The following LRFN2 variants were observed in gnomAD, a reference collection of about 807,000 sequenced individuals.
LRFN2 encodes leucine rich repeat and fibronectin type III domain containing 2.
In LRFN2, 18 loss-of-function variants were observed where a neutral mutation model predicts 37.3. The ratio of observed to expected loss-of-function variants is 0.48; its 90% CI spans 0.33 to 0.72. The LOEUF (loss-of-function observed/expected upper bound fraction) is 0.72. LRFN2 is among the 30% of genes least tolerant of loss of function. The probability of loss-of-function intolerance (pLI) is 0.02; values close to 1 mark genes in which losing one functional copy is unlikely to be tolerated. For missense variants in LRFN2, 1,006 were observed against 1,060.7 expected (o/e 0.95, Z 0.72); for synonymous variants, 556 against 466.6 (o/e 1.19, Z -2.47).
intron 1 of LRFN2, among the ~76,000 whole-genome samples, chr6:40,434,697 C>T (rs969063924): frequency 7.2e-5 from 11 of 151,730 alleles, no homozygotes; most frequent in Non-Finnish European, 1.5e-4. Flanking sequence ...GGGCTGTTCT[C>T]AAACTCCTGA....
At position 40,519,931 on chromosome 6, in the gene LRFN2, G is replaced by T. The variant is rs140789553; in HGVS notation, c.-19+67010C>A. 1.9e-3 allele frequency among the ~76,000 whole-genome samples: 287 copies of T among 152,314 alleles called. 2 individuals are homozygous for T. Among genetic ancestry groups the T allele is most frequent in the African/African-American group, 6.8e-3 (281 of 41,576 alleles). On this transcript the variant is annotated intron_variant, in intron 1 of 2. Coordinates refer to ENST00000338305, the MANE Select transcript of LRFN2 (RefSeq NM_020737.3). ...AAGCACTATCCTAGGCATTAGAATT[G>T]CTCAGAGGAGAAGGGGCATGGAAGG...
intron 1 of LRFN2, among the ~76,000 whole-genome samples, chr6:40,462,229 G>A (rs1764363180): frequency 6.6e-6 from 1 of 152,184 alleles, no homozygotes; most frequent in Non-Finnish European, 1.5e-5. Context: ...CTTAACCCTG[G>A]CTTGGTCCAA....
intron 1 of LRFN2, among the ~76,000 whole-genome samples, chr6:40,435,030 TA>T (rs1763611950): frequency 2.3e-5 from 2 of 87,602 alleles, no homozygotes; most frequent in Admixed American, 2.4e-4. Context: ...TATATATATA[TA>T]TATATATATA....
chr6:40,513,198 T>C (rs1765764766), intron 1 of LRFN2, among the ~76,000 whole-genome samples: 1 of 152,096 alleles, frequency 6.6e-6, no homozygotes, highest in African/African-American at 2.4e-5. Flanking sequence ...AGCAGAACAA[T>C]TGAAGGAGCA....
intron 1 of LRFN2, among the ~76,000 whole-genome samples, chr6:40,531,932 G>A (rs1766351584): frequency 2.0e-5 from 3 of 152,192 alleles, no homozygotes; most frequent in Non-Finnish European, 4.4e-5. Flanking sequence ...AGCAGTCTCC[G>A]TGCTGGGATC....
At chr6:40,584,427 C>T (rs576592277) in intron 1 of LRFN2, among the ~76,000 whole-genome samples, 7 of 152,288 alleles carry the variant, frequency 4.6e-5, no homozygotes, top group Admixed American at 3.9e-4. Flanking sequence ...TATATGACAA[C>T]TCTATCCCTT....
chr6:40,422,858 GA>G (rs1262363411), intron 2 of LRFN2, among the ~76,000 whole-genome samples: 5 of 152,164 alleles, frequency 3.3e-5, no homozygotes, highest in Non-Finnish European at 7.4e-5. Flanking sequence ...ACTGGAGGGG[GA>G]AAAAGCTTCA....
rs551507281 is a variant in LRFN2 at position 40,505,531 on chromosome 6, T to C, written c.-18-72400A>G. Among the ~76,000 whole-genome samples the C allele has an allele frequency of 1.1e-4, 17 of 152,316 alleles. No homozygotes were observed. The South Asian group carries it at 1.5e-3, about 13-fold the overall frequency. ...ACAGCTGGAGAGAATTTATTTCCTT[T>C]TTGAAAATTAAAACATGAAATTGGG... On this transcript the variant is annotated intron_variant, in intron 1 of 2. Transcript: ENST00000338305.
intron 1 of LRFN2, among the ~76,000 whole-genome samples, chr6:40,547,433 G>A (rs1766687226): frequency 6.6e-6 from 1 of 152,008 alleles, no homozygotes; most frequent in Non-Finnish European, 1.5e-5. Flanking sequence ...TCAGTTAGTG[G>A]CCCAAAACCA....
chr6:40,528,411 G>A (rs1027609633), intron 1 of LRFN2, among the ~76,000 whole-genome samples: 1 of 152,180 alleles, frequency 6.6e-6, no homozygotes, highest in Non-Finnish European at 1.5e-5. Context: ...TGAGGAGGAG[G>A]CTGAACCAGC....
At chr6:40,408,905 C>G (rs1762903797) in intron 2 of LRFN2, among the ~76,000 whole-genome samples, 1 of 152,200 alleles carries the variant, frequency 6.6e-6, no homozygotes, top group Non-Finnish European at 1.5e-5. Flanking sequence ...TCTCACAGAA[C>G]TGGAGGCTGG....
intron 1 of LRFN2, among the ~76,000 whole-genome samples, chr6:40,504,434 T>C (rs1765473676): frequency 6.6e-6 from 1 of 152,098 alleles, no homozygotes; most frequent in African/African-American, 2.4e-5. Flanking sequence ...TTCTAACCAA[T>C]CCTCCGGTCA....
In LRFN2 at chr6:40,464,372, T is replaced by C. The variant is rs116682888; in HGVS notation, c.-18-31241A>G. 8.3e-3 allele frequency among the ~76,000 whole-genome samples: 1,265 copies of C among 152,304 alleles called. 18 individuals are homozygous for C. Among genetic ancestry groups the C allele is most frequent in the African/African-American group, 0.028 (1,184 of 41,552 alleles). Reference sequence around the variant, plus strand: ...TGCAACAATGTTGAGAGTTGGGACCTTTAAGGTGATTAGGTTATGATGAAT... The same window carrying C: ...TGCAACAATGTTGAGAGTTGGGACCCTTAAGGTGATTAGGTTATGATGAAT... On this transcript the variant is annotated intron_variant, in intron 1 of 2. Coordinates refer to ENST00000338305, the MANE Select transcript of LRFN2 (RefSeq NM_020737.3).
chr6:40,536,048 A>G (rs1041482663), intron 1 of LRFN2, among the ~76,000 whole-genome samples: 3 of 152,074 alleles, frequency 2.0e-5, no homozygotes, highest in African/African-American at 7.2e-5. Flanking sequence ...AAAGAAGTTC[A>G]TGGTCAATGG....
At chr6:40,436,549 C>T (rs981609917) in intron 1 of LRFN2, among the ~76,000 whole-genome samples, 1 of 151,940 alleles carries the variant, frequency 6.6e-6, no homozygotes, top group Admixed American at 6.6e-5. Flanking sequence ...GGCCAAAGTG[C>T]CGAGTTCCAC....
At position 40,392,437 on chromosome 6, in the gene LRFN2, A is replaced by T. The variant is rs1396353467; in HGVS notation, c.1876T>A (p.Ser626Thr). 1 of 1,566,374 alleles carries T rather than the reference A, an allele frequency of 6.4e-7. No individual in the cohort carries two copies. The highest frequency in any genetic ancestry group is 1.4e-5 in the African/African-American group (1 of 73,654). ...ARASDSSSSS[S>T]LGSGEAAGLG... The stretch of plus-strand genomic sequence containing the variant: ...CCCGCAGCCTCCCCACTGCCCAGGG[A>T]GCTGGAGGAAGAGGAGTCACTGGCG... The change falls in exon 3 of 3, where the codon TCC (serine) becomes ACC (threonine). Residue 626 changes from serine to threonine, a missense_variant. Physicochemically the swap from Ser to Thr is moderately conservative, Grantham distance 58 (BLOSUM62 1). Coordinates refer to ENST00000338305, the MANE Select transcript of LRFN2 (RefSeq NM_020737.3). The surrounding 1 kb of genome is among the most constrained non-coding windows in gnomAD (Gnocchi z 4.7).
At chr6:40,548,426 A>G (rs410021) in intron 1 of LRFN2, among the ~76,000 whole-genome samples, 17,995 of 150,024 alleles carry the variant, frequency 0.12, 1,327 homozygotes, top group Non-Finnish European at 0.15. Context: ...GGGTGACACA[A>G]CGAGACTCCA....
At chr6:40,470,646 A>G (rs1461994997) in intron 1 of LRFN2, among the ~76,000 whole-genome samples, 5 of 150,760 alleles carry the variant, frequency 3.3e-5, no homozygotes, top group Admixed American at 6.6e-5. Flanking sequence ...ACCTGCTCTC[A>G]GAGGAATTCC....
intron 1 of LRFN2, among the ~76,000 whole-genome samples, chr6:40,447,484 T>G (rs1261602051): frequency 6.6e-6 from 1 of 152,226 alleles, no homozygotes; most frequent in African/African-American, 2.4e-5. Flanking sequence ...AATGGGGACC[T>G]GAGTTTAGAA....
Sources: allele counts gnomAD v4.1 joint callset (sites outside exome capture counted in the v4.1 genomes callset), GRCh38; gene constraint gnomAD v4.1.1; non-coding constraint Gnocchi (gnomAD v3.1); transcripts MANE v1.5; gene names NCBI Gene and HGNC (gene_info 2026-07-23, HGNC 2026-07-21).